COL23A1: variants seen among roughly 807,000 people sequenced by gnomAD.
COL23A1 encodes collagen alpha-1(XXIII) chain.
A neutral mutation model predicts 99.3 loss-of-function variants in COL23A1; 97 were observed. That is an observed-to-expected ratio of 0.98 (90% CI 0.83 to 1.16). The LOEUF (loss-of-function observed/expected upper bound fraction) is 1.16. Among genes scored for constraint, COL23A1 ranks in the 50% most tolerant of loss-of-function variants. The pLI is 0.00. For missense variants in COL23A1, 762 were observed against 757.4 expected (o/e 1.01, Z -0.07); for synonymous variants, 320 against 308.2 (o/e 1.04, Z -0.40).
intron 2 of COL23A1, among the ~76,000 whole-genome samples, chr5:178,324,515 G>A (rs200480424): frequency 9.2e-5 from 14 of 152,070 alleles, no homozygotes; most frequent in African/African-American, 3.1e-4. Flanking sequence ...GTGTGCTTAC[G>A]GAGCAGTGCC....
At chr5:178,318,645 T>A (rs572200772) in intron 2 of COL23A1, among the ~76,000 whole-genome samples, 2 of 152,174 alleles carry the variant, frequency 1.3e-5, no homozygotes, top group Non-Finnish European at 2.9e-5. Flanking sequence ...CTCACACCTA[T>A]AATTCCAGCA....
In COL23A1 at chr5:178,306,453, C is replaced by T. The variant is rs1670958022; in HGVS notation, c.406+422G>A. Among the ~76,000 whole-genome samples, 1 of 151,906 alleles carries T rather than the reference C, an allele frequency of 6.6e-6. No individual in the cohort carries two copies. The highest frequency in any genetic ancestry group is 2.1e-4 in the South Asian group (1 of 4,794). ...CAGGGAAGGGAGGTGGGGGAGTCTC[C>T]TCCTGGCGGCTCTGCCAAGGAAGGA... On this transcript the variant is annotated intron_variant, in intron 3 of 28. Coordinates refer to ENST00000390654, the MANE Select transcript of COL23A1 (RefSeq NM_173465.4). The surrounding 1 kb of genome is among the most constrained non-coding windows in gnomAD (Gnocchi z 4.1).
At chr5:178,290,227 T>C (rs977740726) in intron 4 of COL23A1, 135 bp downstream of exon 4, 5 of 1,271,336 alleles carry the variant, frequency 3.9e-6, no homozygotes, top group Non-Finnish European at 5.7e-6. Flanking sequence ...CCACCGCACC[T>C]GGCCACTTTT....
intron 1 of COL23A1, among the ~76,000 whole-genome samples, chr5:178,565,400 G>A (rs75699488): frequency 0.029 from 4,441 of 152,274 alleles, 84 homozygotes; most frequent in Middle Eastern, 0.13. Flanking sequence ...AGGGCTTGTC[G>A]AGAACCAAAT....
rs535902081 is a variant in COL23A1 at position 178,263,297 on chromosome 5, C to T, written c.550G>A (p.Gly184Arg). 1 of 1,606,252 alleles carries T rather than the reference C, an allele frequency of 6.2e-7. No homozygotes were observed. Among genetic ancestry groups the T allele is most frequent in the South Asian group, 1.1e-5 (1 of 90,490 alleles). ...RGDQGQDGAA[G>R]PPGPPGPPGA... ...GGAGGTCCAGGGGGCCCCGGAGGCC[C>T]AGCAGCTCCATCTTGTCCTTGGTCT... The change falls in exon 9 of 29, where the codon GGG becomes AGG. Residue 184 changes from glycine (G) to arginine (R), a missense_variant. Gly to Arg is a moderately radical substitution (Grantham distance 125). Transcript: ENST00000390654.
intron 2 of COL23A1, among the ~76,000 whole-genome samples, chr5:178,319,830 T>C (rs1759190077): frequency 6.6e-6 from 1 of 152,198 alleles, no homozygotes; most frequent in Non-Finnish European, 1.5e-5. Flanking sequence ...AGGTCAGTCT[T>C]AGGCAAACTG....
chr5:178,358,511 GTA>G (rs1429196940), intron 2 of COL23A1, among the ~76,000 whole-genome samples: 73 of 142,834 alleles, frequency 5.1e-4, no homozygotes, highest in Non-Finnish European at 7.7e-4. Context: ...GTATATGTGT[GTA>G]TGTGTGTATG....
Position 178,398,709 on chromosome 5 carries a change from T to C in COL23A1, c.362-91790A>G, listed in dbSNP as rs549886990. Among the ~76,000 whole-genome samples the C allele has an allele frequency of 2.0e-5, 3 of 152,378 alleles. No homozygotes were observed. The South Asian group carries it at 6.2e-4, about 32-fold the overall frequency. On this transcript the variant is annotated intron_variant, in intron 2 of 28. Coordinates refer to ENST00000390654, the MANE Select transcript of COL23A1 (RefSeq NM_173465.4). ...ATTCATTTTTACAATTTTCGGTTTC[T>C]ATTTTCAAGATTTAGTCCCAAGGAA...
At chr5:178,383,058 TG>T (rs1458714113) in intron 2 of COL23A1, among the ~76,000 whole-genome samples, 1 of 151,946 alleles carries the variant, frequency 6.6e-6, no homozygotes, top group East Asian at 1.9e-4. Flanking sequence ...TGATCAGGGC[TG>T]GGGGCTGCTG....
Position 178,249,105 on chromosome 5 carries a change from C to T in COL23A1, c.1149+12G>A. ...CAGGAGGCGTAATGTGTGGCCCAAC[C>T]CAGCCACATACCGGGAGGCCGGACA... On this transcript the variant is annotated intron_variant, in intron 19 of 28. Coordinates refer to ENST00000390654, the MANE Select transcript of COL23A1 (RefSeq NM_173465.4). The T allele has an allele frequency of 2.5e-6, 4 of 1,613,142 alleles. No individual in the cohort carries two copies. The highest frequency in any genetic ancestry group is 3.4e-6 in the Non-Finnish European group (4 of 1,179,166).
intron 2 of COL23A1, among the ~76,000 whole-genome samples, chr5:178,501,188 T>C (rs959590151): frequency 2.6e-5 from 4 of 152,230 alleles, no homozygotes. Flanking sequence ...CAAGGAATGA[T>C]ACAGCAGTCA....
rs1380682256 is a variant in COL23A1 at position 178,308,314 on chromosome 5, C to T, written c.362-1395G>A. Among the ~76,000 whole-genome samples, 1 of 152,170 alleles carries T rather than the reference C, an allele frequency of 6.6e-6. No individual in the cohort carries two copies. Among genetic ancestry groups the T allele is most frequent in the Non-Finnish European group, 1.5e-5 (1 of 68,038 alleles). ...AGGCGAGAATGAATTTCTTGCCAGC[C>T]TCAGGGACAGGGGACTTGAGGTGAG... On this transcript the variant is annotated intron_variant, in intron 2 of 28. Transcript: ENST00000390654. This position sits in a 1 kb window ranked among gnomAD's most constrained non-coding sequence, Gnocchi z 5.1.
At chr5:178,563,318 G>A (rs1383361418) in intron 1 of COL23A1, among the ~76,000 whole-genome samples, 2 of 151,974 alleles carry the variant, frequency 1.3e-5, no homozygotes, top group Non-Finnish European at 2.9e-5. Context: ...GCTTCCAAAG[G>A]CCCCCCGCAG....
intron 5 of COL23A1, among the ~76,000 whole-genome samples, chr5:178,271,212 G>A (rs1046403433): frequency 6.6e-6 from 1 of 152,176 alleles, no homozygotes; most frequent in African/African-American, 2.4e-5. Flanking sequence ...TGGGAGTGGG[G>A]AGGAATCCAG....
chr5:178,560,236 C>T (rs890070163), intron 2 of COL23A1, among the ~76,000 whole-genome samples: 1 of 152,178 alleles, frequency 6.6e-6, no homozygotes, highest in Non-Finnish European at 1.5e-5. Context: ...CCTCTGCCTC[C>T]ACCGCAAGAA....
At chr5:178,337,617 G>C (rs1447794518) in intron 2 of COL23A1, among the ~76,000 whole-genome samples, 1 of 152,090 alleles carries the variant, frequency 6.6e-6, no homozygotes, top group South Asian at 2.1e-4. Context: ...CTGCCGGGCT[G>C]GGGGAGGCGC....
chr5:178,516,743 C>T (rs912548226), intron 2 of COL23A1, among the ~76,000 whole-genome samples: 5 of 152,176 alleles, frequency 3.3e-5, no homozygotes, highest in Admixed American at 2.0e-4. Context: ...TCAGGCCTGG[C>T]GGGTGCCCCT....
intron 5 of COL23A1, among the ~76,000 whole-genome samples, chr5:178,272,460 T>C (rs1756343712): frequency 6.6e-6 from 1 of 152,200 alleles, no homozygotes; most frequent in Admixed American, 6.5e-5. Context: ...AGTCTCATGG[T>C]CGCTGAGGGT....
intron 2 of COL23A1, among the ~76,000 whole-genome samples, chr5:178,372,516 G>A (rs1762852791): frequency 1.3e-5 from 2 of 152,192 alleles, no homozygotes; most frequent in South Asian, 2.1e-4. Flanking sequence ...GGGGGGCGGG[G>A]GCTGCGGTCC....
Sources: allele counts gnomAD v4.1 joint callset (sites outside exome capture counted in the v4.1 genomes callset), GRCh38; gene constraint gnomAD v4.1.1; non-coding constraint Gnocchi (gnomAD v3.1); transcripts MANE v1.5; gene names NCBI Gene and HGNC (gene_info 2026-07-23, HGNC 2026-07-21).